The following PPP2R3B variants were observed in gnomAD, a reference collection of about 807,000 sequenced individuals.
PPP2R3B encodes the protein serine/threonine-protein phosphatase 2A regulatory subunit B'' subunit beta.
PPP2R3B carries 68 observed loss-of-function variants against 72.9 expected under a neutral mutation model. The observed-to-expected ratio is 0.93, with a 90% CI of 0.77 to 1.14. PPP2R3B has a LOEUF of 1.14. Ranked by LOEUF, PPP2R3B falls within the 50% of genes most tolerant of loss-of-function variation. PPP2R3B has a pLI of 0.00. For synonymous variants in PPP2R3B, 466 were observed against 375.8 expected, an observed-to-expected ratio of 1.24 and a Z score of -2.78; for missense variants, 1,018 against 842.0, an observed-to-expected ratio of 1.21 and a Z score of -2.59.
At chrX:367,292 C>T (rs1367069202) in intron 1 of PPP2R3B, among the ~76,000 whole-genome samples, 8 of 151,212 alleles carry the variant, frequency 5.3e-5, no homozygotes, top group Non-Finnish European at 8.8e-5. Context: ...GTGAAAACAA[C>T]GTATGTTCAA....
chrX:344,969 CCCACAGG>C (rs766726818), intron 7 of PPP2R3B: 4 of 353,054 alleles, frequency 1.1e-5, no homozygotes, highest in South Asian at 4.3e-5. Context: ...AAACTCAAGC[CCCACAGG>C]CCACAGGCCG....
At chrX:376,248 G>GCA (rs1480359642) in intron 1 of PPP2R3B, among the ~76,000 whole-genome samples, 3 of 151,340 alleles carry the variant, frequency 2.0e-5, no homozygotes, top group Non-Finnish European at 2.9e-5. Flanking sequence ...ATCCTGAAGT[G>GCA]CACACATAGG....
At chrX:379,093 GTGTGTGTATGCACCTGTGTGTGCACC>G (rs2072062910) in intron 1 of PPP2R3B, among the ~76,000 whole-genome samples, 2 of 150,772 alleles carry the variant, frequency 1.3e-5, no homozygotes, top group South Asian at 2.1e-4. Context: ...GCACCTACGT[GTGTGTGTATGCACCTGTGTGTGCACC>G]TGTGTGTATG....
chrX:341,539 C>G, intron 8 of PPP2R3B, 143 bp from the exon 9 acceptor site: 2 of 868,054 alleles, frequency 2.3e-6, no homozygotes, highest in Non-Finnish European at 1.9e-6. Flanking sequence ...CTCCTCCTGC[C>G]TCTCCGGGGA....
intron 1 of PPP2R3B, among the ~76,000 whole-genome samples, chrX:373,073 G>A (rs1457665937): frequency 1.3e-5 from 2 of 152,120 alleles, no homozygotes; most frequent in East Asian, 1.9e-4. Flanking sequence ...CAATAACGCC[G>A]GGAAAGTTTC....
At position 334,326 on chromosome X, in the gene PPP2R3B, A is replaced by G. The variant is rs1229777871; in HGVS notation, c.*41T>C. ...CGAGCCGCGGTGGCCCGGTGGTGGC[A>G]CGTGGGGAGCGGCCCCGCGGCGGCG... is the stretch of plus-strand genomic sequence containing the variant. On this transcript the variant is annotated 3_prime_UTR_variant, in exon 13 of 13. Coordinates refer to ENST00000390665, the MANE Select transcript of PPP2R3B (RefSeq NM_013239.5). 2 of 1,442,970 alleles carry G rather than the reference A, an allele frequency of 1.4e-6. No homozygotes were observed. The highest frequency in any genetic ancestry group is 1.8e-6 in the Non-Finnish European group (2 of 1,103,436). The allele number at this position is 1,442,970 out of a possible 1,614,324, so 89.4% of individuals were successfully genotyped here. A position where few individuals can be genotyped will look rare whatever the true frequency, so the allele number is the denominator to read the frequency against.
Position 348,898 on chromosome X carries a change from G to A in PPP2R3B, c.511-1205C>T, listed in dbSNP as rs180831151. ...AGAAAAACGAGGGGCGTTTCCCAGT[G>A]CCTGTTCCGAGGCTGGCACAGCCTG... On this transcript the variant is annotated intron_variant, in intron 2 of 12. Coordinates refer to ENST00000390665, the MANE Select transcript of PPP2R3B (RefSeq NM_013239.5). Among the ~76,000 whole-genome samples the A allele has an allele frequency of 6.8e-4, 104 of 152,244 alleles. 1 individual carries two copies. In the East Asian group the frequency reaches 0.02, roughly 29 times the overall value.
Position 386,728 on chromosome X carries a change from C to G in PPP2R3B, c.-37G>C. ...GGCCCGCGGCGCCCCCGGACGCCCG[C>G]GCCCCGCCCCGCCCCGGGGGCTTCG... On this transcript the variant is annotated 5_prime_UTR_variant, in exon 1 of 13. Coordinates refer to ENST00000390665, the MANE Select transcript of PPP2R3B (RefSeq NM_013239.5). 9.3e-6 allele frequency: 11 copies of G among 1,184,838 alleles called. No individual in the cohort carries two copies. The highest frequency in any genetic ancestry group is 1.1e-5 in the Non-Finnish European group (11 of 956,916). 73.4% of individuals were successfully genotyped at this position (1,184,838 alleles called of 1,614,324 possible). A position where few individuals can be genotyped will look rare whatever the true frequency, so the allele number is the denominator to read the frequency against.
At chrX:348,027 C>T (rs1360364472) in intron 2 of PPP2R3B, among the ~76,000 whole-genome samples, 2 of 152,120 alleles carry the variant, frequency 1.3e-5, no homozygotes, top group African/African-American at 4.8e-5. Context: ...ATAAATGGCC[C>T]CGTCAGCCAG....
intron 1 of PPP2R3B, among the ~76,000 whole-genome samples, chrX:384,200 AAAGG>A (rs2072191558): frequency 1.3e-5 from 2 of 152,070 alleles, no homozygotes; most frequent in African/African-American, 4.8e-5. Context: ...AGAAGTAAAT[AAAGG>A]ATGTTTTTCT....
At chrX:363,234 A>C (rs758399540) in intron 1 of PPP2R3B, among the ~76,000 whole-genome samples, 1 of 150,236 alleles carries the variant, frequency 6.7e-6, no homozygotes, top group African/African-American at 2.5e-5. Flanking sequence ...CCGCGATCCC[A>C]CAGTGCATCT....
chrX:338,108 A>C, intron 12 of PPP2R3B: 1 of 181,118 alleles, frequency 5.5e-6, no homozygotes, highest in Non-Finnish European at 1.2e-5. Flanking sequence ...CAAACTGGGA[A>C]AAAGGCGAAC....
chrX:369,199 A>T (rs2071801836), intron 1 of PPP2R3B, among the ~76,000 whole-genome samples: 1 of 152,214 alleles, frequency 6.6e-6, no homozygotes, highest in East Asian at 1.9e-4. Flanking sequence ...GAGCAAAAAC[A>T]GCTGCATGTA....
intron 2 of PPP2R3B, among the ~76,000 whole-genome samples, chrX:357,541 T>C (rs760400336): frequency 6.6e-6 from 1 of 152,196 alleles, no homozygotes; most frequent in Non-Finnish European, 1.5e-5. Context: ...GAACCGGAAA[T>C]AAATGATTCT....
At chrX:343,984 AGCAACGGGAGGCGGGAGGGAGACGTCG>A (rs2071134536) in intron 7 of PPP2R3B, among the ~76,000 whole-genome samples, 2 of 54,572 alleles carry the variant, frequency 3.7e-5, no homozygotes. Flanking sequence ...GGGAGACCTC[AGCAACGGGAGGCGGGAGGGAGACGTCG>A]CCAAGGAGAG....
At chrX:346,801 G>A (rs753951424) in intron 4 of PPP2R3B, 26 bp from the exon 5 acceptor site, 6 of 1,598,970 alleles carry the variant, frequency 3.8e-6, no homozygotes, top group African/African-American at 1.3e-5. Flanking sequence ...CACGAGGCGC[G>A]TGGTGTAGAC....
chrX:334,674 G>C, intron 12 of PPP2R3B, 157 bp from the exon 13 acceptor site: 1 of 868,976 alleles, frequency 1.2e-6, no homozygotes, highest in Non-Finnish European at 1.6e-6. Context: ...ACGCGCTCCT[G>C]GCTGAGGACG....
At chrX:342,091 T>C in intron 7 of PPP2R3B, 160 bp from the exon 8 acceptor site, 1 of 777,930 alleles carries the variant, frequency 1.3e-6, no homozygotes, top group East Asian at 2.5e-5. Flanking sequence ...CGGCCCATCC[T>C]AGGGGCCCAC....
intron 1 of PPP2R3B, among the ~76,000 whole-genome samples, chrX:380,919 C>T (rs971845828): frequency 1.1e-4 from 17 of 150,778 alleles, no homozygotes; most frequent in African/African-American, 3.9e-4. Flanking sequence ...ATCAGCCCAT[C>T]GATACTGGCG....
Sources: gnomAD v4.1 joint callset for allele counts (sites outside exome capture counted in the v4.1 genomes callset) on GRCh38, gnomAD v4.1.1 for gene constraint, MANE v1.5 for transcripts, NCBI Gene and HGNC (gene_info 2026-07-23, HGNC 2026-07-21) for gene names.